The following SHISA9 variants were observed in gnomAD, a reference collection of about 807,000 sequenced individuals.
SHISA9 encodes protein shisa-9.
Under a neutral mutation model 38.0 loss-of-function variants are expected in SHISA9, and 13 were observed. That is an observed-to-expected ratio of 0.34 (90% CI 0.22 to 0.54). The LOEUF is 0.54. Ranked by LOEUF, SHISA9 falls within the 20% of genes least tolerant of loss-of-function variation. The pLI, the probability that SHISA9 is intolerant of heterozygous loss-of-function variation, is 0.91. For missense variants in SHISA9, 538 were observed against 575.8 expected (o/e 0.93, Z 0.67); for synonymous variants, 275 against 242.0 (o/e 1.14, Z -1.27).
intron 2 of SHISA9, among the ~76,000 whole-genome samples, chr16:12,972,318 C>G (rs1185089885): frequency 2.6e-5 from 4 of 151,962 alleles, no homozygotes; most frequent in African/African-American, 9.7e-5. Context: ...CAAGAAGCAC[C>G]ACAGGTGCAG....
chr16:13,234,943 C>G (rs538728827), intron 4 of SHISA9, 87 bp from the exon 5 acceptor site: 1 of 1,428,718 alleles, frequency 7.0e-7, no homozygotes, highest in Admixed American at 2.6e-5. Context: ...CTTGGGTTGA[C>G]ATGCCAGTCT....
At chr16:13,478,981 C>G in the SHISA9 span, among the ~76,000 whole-genome samples, 11 of 152,168 alleles carry the variant, frequency 7.2e-5, no homozygotes, top group African/African-American at 2.7e-4. Flanking sequence ...TAAAACAACA[C>G]AAGTCTGTCA....
At chr16:13,027,297 A>G (rs2072934683) in intron 2 of SHISA9, among the ~76,000 whole-genome samples, 1 of 152,218 alleles carries the variant, frequency 6.6e-6, no homozygotes, top group African/African-American at 2.4e-5. Context: ...TTAAGCAACT[A>G]ATAATATTTA....
chr16:13,304,453 T>C, the SHISA9 span, among the ~76,000 whole-genome samples: 1 of 152,134 alleles, frequency 6.6e-6, no homozygotes, highest in African/African-American at 2.4e-5. Flanking sequence ...AGAGAGGGTT[T>C]TGCCGTGTTG....
At chr16:13,321,697 A>T in the SHISA9 span, among the ~76,000 whole-genome samples, 1 of 152,188 alleles carries the variant, frequency 6.6e-6, no homozygotes, top group Admixed American at 6.5e-5. Context: ...CCTGTCTGAT[A>T]ATCTCCAGGT....
At chr16:13,308,821 A>G in the SHISA9 span, among the ~76,000 whole-genome samples, 3 of 152,368 alleles carry the variant, frequency 2.0e-5, no homozygotes, top group African/African-American at 4.8e-5. Context: ...TTAAATCGCC[A>G]TAAGATAGGT....
chr16:13,292,289 A>G, the SHISA9 span, among the ~76,000 whole-genome samples: 2 of 151,922 alleles, frequency 1.3e-5, no homozygotes, highest in East Asian at 1.9e-4. Context: ...CACTCCTAAC[A>G]TAGTGTTTTT....
intron 2 of SHISA9, among the ~76,000 whole-genome samples, chr16:13,109,107 G>A (rs944072397): frequency 6.6e-6 from 1 of 152,148 alleles, no homozygotes; most frequent in African/African-American, 2.4e-5. Flanking sequence ...GCAGGCATCA[G>A]TCTTGACCTC....
At chr16:13,050,765 A>G (rs1461894621) in intron 2 of SHISA9, among the ~76,000 whole-genome samples, 1 of 152,212 alleles carries the variant, frequency 6.6e-6, no homozygotes, top group Non-Finnish European at 1.5e-5. Context: ...TCAATAAGCT[A>G]GTAACAGATT....
At chr16:13,370,700 A>G in the SHISA9 span, among the ~76,000 whole-genome samples, 1,507 of 152,208 alleles carry the variant, frequency 9.9e-3, 13 homozygotes, top group Middle Eastern at 0.034. Context: ...ATTTTATTTT[A>G]TTTTTGAGGG....
chr16:13,148,728 A>G (rs985443526), intron 2 of SHISA9, among the ~76,000 whole-genome samples: 6 of 148,248 alleles, frequency 4.0e-5, no homozygotes, highest in African/African-American at 1.3e-4. Flanking sequence ...CATCATGACT[A>G]TACCCTGCAT....
intron 4 of SHISA9, 65 bp downstream of exon 4, chr16:13,213,365 G>C (rs1347963092): frequency 1.4e-6 from 2 of 1,434,734 alleles, no homozygotes; most frequent in Non-Finnish European, 1.9e-6. Flanking sequence ...AAATAATGAA[G>C]GGATAGAGAG....
chr16:13,196,612 CAAAT>C (rs543789952), intron 2 of SHISA9, among the ~76,000 whole-genome samples: 112 of 152,192 alleles, frequency 7.4e-4, no homozygotes, highest in Non-Finnish European at 1.1e-3. Flanking sequence ...TAAGGAAACT[CAAAT>C]AAAGTGTGGG....
intron 1 of SHISA9, among the ~76,000 whole-genome samples, chr16:12,906,609 G>C (rs2071098356): frequency 6.6e-6 from 1 of 152,146 alleles, no homozygotes; most frequent in Non-Finnish European, 1.5e-5. Context: ...GTCATGCTTT[G>C]CTTGATCTGC....
chr16:13,368,037 C>T, the SHISA9 span, among the ~76,000 whole-genome samples: 1 of 152,094 alleles, frequency 6.6e-6, no homozygotes, highest in Non-Finnish European at 1.5e-5. Flanking sequence ...GGTATATCTC[C>T]CTCTAAATGC....
intron 2 of SHISA9, among the ~76,000 whole-genome samples, chr16:13,083,461 T>C (rs2073676556): frequency 6.6e-6 from 1 of 152,182 alleles, no homozygotes; most frequent in Non-Finnish European, 1.5e-5. Context: ...AAGTGATTTA[T>C]AGAGGGACAC....
At chr16:13,107,410 G>A (rs1394211701) in intron 2 of SHISA9, among the ~76,000 whole-genome samples, 2 of 151,306 alleles carry the variant, frequency 1.3e-5, no homozygotes, top group African/African-American at 4.9e-5. Flanking sequence ...ACTACAGCTT[G>A]GGCGACAGAG....
chr16:13,562,933 G>A, the SHISA9 span: 200 of 152,184 alleles, frequency 1.3e-3, 1 homozygote, highest in African/African-American at 4.6e-3. Flanking sequence ...GTAAACCAAT[G>A]TTTCTTAAAA....
chr16:13,231,703 C>G (rs926737815), intron 4 of SHISA9, among the ~76,000 whole-genome samples: 2 of 152,182 alleles, frequency 1.3e-5, no homozygotes, highest in African/African-American at 2.4e-5. Flanking sequence ...GGGTTGTTTC[C>G]TTGGGCAGTA....
Sources: allele counts gnomAD v4.1 joint callset (sites outside exome capture counted in the v4.1 genomes callset), GRCh38; gene constraint gnomAD v4.1.1; transcripts MANE v1.5; gene names NCBI Gene and HGNC (gene_info 2026-07-23, HGNC 2026-07-21).